The following TRIP4 variants were observed in gnomAD, a reference collection of about 807,000 sequenced individuals.
TRIP4 encodes the protein activating signal cointegrator 1.
In TRIP4, 54 loss-of-function variants were observed where a neutral mutation model predicts 81.8. The ratio of observed to expected loss-of-function variants is 0.66; its 90% CI spans 0.53 to 0.83. The LOEUF (loss-of-function observed/expected upper bound fraction) is 0.83. TRIP4 is among the 40% of genes least tolerant of loss of function. TRIP4 has a pLI of 0.00. For synonymous variants in TRIP4, 270 were observed against 242.8 expected (o/e 1.11, Z -1.04); for missense variants, 662 against 683.6 (o/e 0.97, Z 0.35).
At chr15:64,431,847 A>ATATATATATATATATATATAT in intron 11 of TRIP4, among the ~76,000 whole-genome samples, 1 of 119,560 alleles carries the variant, frequency 8.4e-6, no homozygotes, top group African/African-American at 3.3e-5. Flanking sequence ...ATATATATAT[A>ATATATATATATATATATATAT]TTTTTTTTAT....
At chr15:64,435,358 A>G (rs754226755) in intron 11 of TRIP4, among the ~76,000 whole-genome samples, 1 of 142,782 alleles carries the variant, frequency 7.0e-6, no homozygotes, top group Non-Finnish European at 1.6e-5. Flanking sequence ...CATCTCTGCT[A>G]AAAAAAATAC....
chr15:64,447,704 C>G (rs1048075468), intron 12 of TRIP4, among the ~76,000 whole-genome samples: 10 of 152,082 alleles, frequency 6.6e-5, no homozygotes, highest in African/African-American at 2.4e-4. Context: ...TTTCTTTTCT[C>G]CACTATTAAG....
chr15:64,418,796 A>C, intron 9 of TRIP4, 68 bp downstream of exon 9: 1 of 1,417,404 alleles, frequency 7.1e-7, no homozygotes, highest in Non-Finnish European at 9.4e-7. Flanking sequence ...TAGAAATATG[A>C]ATTGGAATTA....
chr15:64,391,708 A>G (rs1332118047), intron 1 of TRIP4, among the ~76,000 whole-genome samples: 7 of 149,496 alleles, frequency 4.7e-5, no homozygotes, highest in Non-Finnish European at 3.0e-5. Context: ...CAGTGGCTCA[A>G]CCTGTAATCC....
chr15:64,401,404 A>G (rs1465280883), intron 5 of TRIP4, among the ~76,000 whole-genome samples: 7 of 151,534 alleles, frequency 4.6e-5, no homozygotes, highest in Admixed American at 6.6e-5. Context: ...CAAAGTGCTG[A>G]GATTACAGGC....
intron 5 of TRIP4, among the ~76,000 whole-genome samples, chr15:64,402,538 T>C (rs1395073525): frequency 1.3e-4 from 20 of 150,358 alleles, no homozygotes; most frequent in Admixed American, 8.7e-4. Context: ...TTTTTTTTTT[T>C]CTGAGACGGA....
In TRIP4 at chr15:64,418,527, G is replaced by A. The variant is rs747214265; in HGVS notation, c.1171-14G>A. On this transcript the variant is annotated splice_polypyrimidine_tract_variant and intron_variant, in intron 8 of 12. Transcript: ENST00000261884. Reference sequence around the variant, plus strand: ...CCTTATAAGATAGAACTGTATGTTTGTTTTTCTGTGTAGTGGGTTGACCAC... The same window carrying A: ...CCTTATAAGATAGAACTGTATGTTTATTTTTCTGTGTAGTGGGTTGACCAC... 1.2e-6 allele frequency: 2 copies of A among 1,600,352 alleles called. No individual in the cohort carries two copies. Among genetic ancestry groups the A allele is most frequent in the South Asian group, 1.1e-5 (1 of 89,512 alleles).
chr15:64,393,135 A>G (rs1900183080), intron 1 of TRIP4, among the ~76,000 whole-genome samples: 2 of 150,692 alleles, frequency 1.3e-5, no homozygotes, highest in Admixed American at 6.6e-5. Flanking sequence ...TGCTGTTTTC[A>G]GTGTCTTGTA....
intron 1 of TRIP4, among the ~76,000 whole-genome samples, chr15:64,391,185 C>T (rs1162710820): frequency 6.6e-6 from 1 of 151,416 alleles, no homozygotes; most frequent in African/African-American, 2.4e-5. Flanking sequence ...GAGACGGAGT[C>T]TCACTCTGTC....
intron 1 of TRIP4, 63 bp from the exon 2 acceptor site, chr15:64,393,883 A>G: frequency 1.4e-6 from 2 of 1,455,402 alleles, no homozygotes; most frequent in East Asian, 2.4e-5. Flanking sequence ...GATCTCTGTT[A>G]AGATTACTGA....
intron 10 of TRIP4, 154 bp downstream of exon 10, chr15:64,424,309 CAG>C: frequency 9.5e-7 from 1 of 1,049,182 alleles, no homozygotes; most frequent in Non-Finnish European, 1.3e-6. Flanking sequence ...AAATCATTGA[CAG>C]CGTTCAAAGC....
intron 12 of TRIP4, among the ~76,000 whole-genome samples, chr15:64,454,668 G>T (rs931744993): frequency 8.5e-5 from 13 of 152,104 alleles, no homozygotes; most frequent in Admixed American, 7.9e-4. Context: ...TGCCTTTATT[G>T]CATGTGTATA....
intron 9 of TRIP4, among the ~76,000 whole-genome samples, chr15:64,420,981 A>G (rs2140298825): frequency 6.6e-6 from 1 of 152,232 alleles, no homozygotes; most frequent in Non-Finnish European, 1.5e-5. Flanking sequence ...CTTTTCAATC[A>G]GCAATGGAAC....
chr15:64,414,766 C>T (rs1015735326), intron 8 of TRIP4, among the ~76,000 whole-genome samples: 1 of 151,934 alleles, frequency 6.6e-6, no homozygotes, highest in African/African-American at 2.4e-5. Flanking sequence ...ATCTACCTGC[C>T]TCAACCTCCC....
chr15:64,424,281 G>T, intron 10 of TRIP4, 126 bp downstream of exon 10: 1 of 1,338,726 alleles, frequency 7.5e-7, no homozygotes. Flanking sequence ...CTTTGTATAT[G>T]TTTGTTTGTT....
intron 3 of TRIP4, among the ~76,000 whole-genome samples, chr15:64,396,354 G>GC (rs1199432317): frequency 1.6e-5 from 2 of 126,668 alleles, no homozygotes; most frequent in Admixed American, 9.6e-5. Flanking sequence ...TTGGCCCACT[G>GC]CAACCTCTGC....
At chr15:64,400,894 C>A in intron 5 of TRIP4, 73 bp downstream of exon 5, 1 of 1,278,780 alleles carries the variant, frequency 7.8e-7, no homozygotes, top group Non-Finnish European at 1.1e-6. Context: ...TTTCTCTTTT[C>A]TGTATCCTGG....
intron 11 of TRIP4, among the ~76,000 whole-genome samples, chr15:64,431,398 C>G (rs1312741462): frequency 6.6e-6 from 1 of 152,080 alleles, no homozygotes; most frequent in African/African-American, 2.4e-5. Flanking sequence ...TTTTGGAATT[C>G]TCTTGAAGAC....
At chr15:64,398,556 T>G (rs1900362685) in intron 4 of TRIP4, among the ~76,000 whole-genome samples, 1 of 151,662 alleles carries the variant, frequency 6.6e-6, no homozygotes, top group African/African-American at 2.4e-5. Flanking sequence ...CAGGCTGCAG[T>G]GAGACAGCGA....
Sources: gnomAD v4.1 joint callset for allele counts (sites outside exome capture counted in the v4.1 genomes callset) on GRCh38, gnomAD v4.1.1 for gene constraint, MANE v1.5 for transcripts, NCBI Gene and HGNC (gene_info 2026-07-23, HGNC 2026-07-21) for gene names.